GDAP1: variants seen among roughly 807,000 people sequenced by gnomAD.
The protein encoded by GDAP1 is ganglioside-induced differentiation-associated protein 1.
GDAP1 carries 34 observed loss-of-function variants against 40.1 expected under a neutral mutation model. That is an observed-to-expected ratio of 0.85 (90% CI 0.64 to 1.13). The LOEUF is 1.13. GDAP1 is among the 50% of genes most tolerant of loss of function. The pLI is 0.00. For missense variants in GDAP1, 374 were observed against 433.7 expected, an observed-to-expected ratio of 0.86 and a Z score of 1.22; for synonymous variants, 170 against 157.4, an observed-to-expected ratio of 1.08 and a Z score of -0.60.
intron 2 of GDAP1, among the ~76,000 whole-genome samples, chr8:74,457,226 C>A (rs1806347158): frequency 6.6e-6 from 1 of 152,026 alleles, no homozygotes; most frequent in African/African-American, 2.4e-5. Context: ...GAAAACTGTA[C>A]CCTTTCCGCA....
At chr8:74,478,938 C>G (rs1421623464) in intron 2 of GDAP1, among the ~76,000 whole-genome samples, 5 of 152,176 alleles carry the variant, frequency 3.3e-5, no homozygotes, top group Admixed American at 1.3e-4. Flanking sequence ...GTACAGGGTT[C>G]CCAGCTTCCT....
intron 2 of GDAP1, among the ~76,000 whole-genome samples, chr8:74,373,939 C>G (rs1445604881): frequency 6.6e-6 from 1 of 152,124 alleles, no homozygotes; most frequent in Non-Finnish European, 1.5e-5. Flanking sequence ...CCATCAATAC[C>G]TAATTTATTG....
At chr8:74,413,065 C>CAAT (rs1805735064) in intron 2 of GDAP1, among the ~76,000 whole-genome samples, 1 of 57,156 alleles carries the variant, frequency 1.7e-5, no homozygotes, top group Admixed American at 3.1e-4. Context: ...GACTCTGTCT[C>CAAT]AAAAAAAAAA....
Position 74,364,446 on chromosome 8 carries a change from T to C in GDAP1, c.*79T>C. Reference sequence around the variant, plus strand: ...GATTGCCCGTGGCTCTCTGAGTCTGTCTTATTGAGTAGTTAGCAGTATTTT... The same window carrying C: ...GATTGCCCGTGGCTCTCTGAGTCTGCCTTATTGAGTAGTTAGCAGTATTTT... On this transcript the variant is annotated 3_prime_UTR_variant, in exon 6 of 6. Coordinates refer to ENST00000220822, the MANE Select transcript of GDAP1 (RefSeq NM_018972.4). 7.4e-7 allele frequency: 1 copy of C among 1,345,630 alleles called. No homozygotes were observed. Among genetic ancestry groups the C allele is most frequent in the Non-Finnish European group, 1.1e-6 (1 of 946,730 alleles). The allele number at this position is 1,345,630 out of a possible 1,614,324, so 83.4% of individuals were successfully genotyped here. A position where few individuals can be genotyped will look rare whatever the true frequency, so the allele number is the denominator to read the frequency against.
intron 2 of GDAP1, among the ~76,000 whole-genome samples, chr8:74,487,244 T>C (rs1362937499): frequency 6.6e-6 from 1 of 152,058 alleles, no homozygotes; most frequent in Non-Finnish European, 1.5e-5. Context: ...GCAGTGGAAA[T>C]GAAGGAAACC....
At chr8:74,389,512 C>T (rs1810076212) in intron 2 of GDAP1, among the ~76,000 whole-genome samples, 1 of 152,166 alleles carries the variant, frequency 6.6e-6, no homozygotes, top group Non-Finnish European at 1.5e-5. Context: ...CCCCCACTCT[C>T]TCCTGGCTTG....
At chr8:74,352,043 T>C (rs1808901343) in intron 2 of GDAP1, among the ~76,000 whole-genome samples, 1 of 152,242 alleles carries the variant, frequency 6.6e-6, no homozygotes, top group African/African-American at 2.4e-5. Context: ...TCTTCAATAA[T>C]GTCTTCAAAA....
chr8:74,388,542 A>C (rs1185981732), intron 2 of GDAP1, among the ~76,000 whole-genome samples: 1 of 152,042 alleles, frequency 6.6e-6, no homozygotes, highest in East Asian at 1.9e-4. Flanking sequence ...GTGGTCTGAG[A>C]GGCTGTTTGT....
intron 2 of GDAP1, among the ~76,000 whole-genome samples, chr8:74,441,921 TC>T (rs1332775214): frequency 6.6e-6 from 1 of 152,108 alleles, no homozygotes; most frequent in Non-Finnish European, 1.5e-5. Flanking sequence ...TATCCACCTC[TC>T]CCCATGCCAC....
chr8:74,453,132 A>C lies in GDAP1; in HGVS notation c.166-35546A>C, dbSNP rs1193879953. ...GTTTCTATCCTCTGTAACTTAGTGC[A>C]ACTTATCATTCAAACTTTGTTTTAC... On this transcript the variant is annotated intron_variant, in intron 2 of 2. Coordinates refer to the GDAP1 transcript ENST00000523640. 2.4e-5 allele frequency among the ~76,000 whole-genome samples: 2 copies of C among 83,556 alleles called. 1 individual carries two copies. Among genetic ancestry groups the C allele is most frequent in the Non-Finnish European group, 4.8e-5 (2 of 41,256 alleles). The allele number at this position is 83,556 out of a possible 152,430, so 54.8% of individuals were successfully genotyped here. A position where few individuals can be genotyped will look rare whatever the true frequency, so the allele number is the denominator to read the frequency against.
chr8:74,363,900 C>T (rs1450930493), intron 5 of GDAP1, 85 bp from the exon 6 acceptor site: 1 of 1,126,966 alleles, frequency 8.9e-7, no homozygotes, highest in Non-Finnish European at 1.4e-6. Flanking sequence ...TCACACTCAC[C>T]CTTAAGGGTG....
chr8:74,421,408 A>T (rs1805856184), intron 2 of GDAP1, among the ~76,000 whole-genome samples: 1 of 152,146 alleles, frequency 6.6e-6, no homozygotes, highest in Non-Finnish European at 1.5e-5. Flanking sequence ...AAAAGGAAAC[A>T]ATCAGAGAAC....
downstream of GDAP1, among the ~76,000 whole-genome samples, chr8:74,371,780 TTTTA>T (rs1423644082): frequency 3.4e-5 from 5 of 145,296 alleles, no homozygotes; most frequent in South Asian, 6.7e-4. Context: ...TTTTATTTTT[TTTTA>T]TTATTATACT....
chr8:74,370,627 A>C (rs1006934528), downstream of GDAP1, among the ~76,000 whole-genome samples: 8 of 152,264 alleles, frequency 5.3e-5, no homozygotes, highest in African/African-American at 1.9e-4. Context: ...TGGTAGACTT[A>C]AACACACCAA....
intron 2 of GDAP1, among the ~76,000 whole-genome samples, chr8:74,431,577 G>A (rs1051326215): frequency 6.6e-6 from 1 of 152,036 alleles, no homozygotes; most frequent in African/African-American, 2.4e-5. Context: ...CGCCTCCCGG[G>A]TTCACGCCAT....
At chr8:74,473,175 T>C (rs1180125392) in intron 2 of GDAP1, among the ~76,000 whole-genome samples, 1 of 152,168 alleles carries the variant, frequency 6.6e-6, no homozygotes, top group Admixed American at 6.5e-5. Flanking sequence ...GTGTAAGTTC[T>C]TGATAGATGG....
At chr8:74,369,749 G>A (rs553329966), downstream of GDAP1, among the ~76,000 whole-genome samples, 1 of 152,008 alleles carries the variant, frequency 6.6e-6, no homozygotes, top group East Asian at 1.9e-4. Context: ...TACCAAGAAA[G>A]CCTCACGTAG....
At chr8:74,418,380 C>G (rs1401705776) in intron 2 of GDAP1, among the ~76,000 whole-genome samples, 1 of 152,178 alleles carries the variant, frequency 6.6e-6, no homozygotes, top group Non-Finnish European at 1.5e-5. Flanking sequence ...AGGAAATAAA[C>G]TCACAGAAAT....
At chr8:74,362,217 G>A (rs1383821058) in intron 4 of GDAP1, among the ~76,000 whole-genome samples, 2 of 152,124 alleles carry the variant, frequency 1.3e-5, no homozygotes, top group African/African-American at 4.8e-5. Context: ...AAAAAGTTAT[G>A]AAATGCAAAG....
Sources: allele counts gnomAD v4.1 joint callset (sites outside exome capture counted in the v4.1 genomes callset), GRCh38; gene constraint gnomAD v4.1.1; transcripts MANE v1.5; gene names NCBI Gene and HGNC (gene_info 2026-07-23, HGNC 2026-07-21).